The following TMEM135 variants were observed in gnomAD, a reference collection of about 807,000 sequenced individuals.
TMEM135 encodes transmembrane protein 135.
Under a neutral mutation model 60.3 loss-of-function variants are expected in TMEM135, and 30 were observed. The observed-to-expected ratio is 0.50, with a 90% CI of 0.37 to 0.68. The LOEUF is 0.68. TMEM135 is among the 30% of genes least tolerant of loss of function. The probability of loss-of-function intolerance (pLI) is 0.00; values close to 1 mark genes in which losing one functional copy is unlikely to be tolerated. For synonymous variants in TMEM135, 190 were observed against 186.7 expected (o/e 1.02, Z -0.14); for missense variants, 468 against 548.8 (o/e 0.85, Z 1.47).
rs1252191134 is a variant in TMEM135, at chr11:87,111,992, A to T, written c.396+20597A>T. On this transcript the variant is annotated intron_variant, in intron 4 of 14. Coordinates refer to ENST00000305494, the MANE Select transcript of TMEM135 (RefSeq NM_022918.4). ...ATTGTAGCCTATCTAAATGTTATTG[A>T]TTGATGACCTTCTAGAACTTGAGGC... is the stretch of plus-strand genomic sequence containing the variant. 3.3e-5 allele frequency among the ~76,000 whole-genome samples: 5 copies of T among 152,162 alleles called. No individual in the cohort carries two copies. In the South Asian group the frequency reaches 8.3e-4, roughly 25 times the overall value.
chr11:87,239,698 C>T (rs1420451678), intron 6 of TMEM135, among the ~76,000 whole-genome samples: 2 of 149,430 alleles, frequency 1.3e-5, no homozygotes, highest in East Asian at 3.9e-4. Context: ...TGTGAATGGG[C>T]AAAGGGGAAA....
rs1013663746 is a variant in TMEM135, at chr11:87,324,582, G to C, written c.*3249G>C. On this transcript the variant is annotated 3_prime_UTR_variant, in exon 15 of 15. Coordinates refer to ENST00000305494, the MANE Select transcript of TMEM135 (RefSeq NM_022918.4). ...CAACAGGCATGTGCCACCATGCCTG[G>C]CTAATATTTATTTTATTTATTTTTT... is the stretch of plus-strand genomic sequence containing the variant. The C allele has an allele frequency of 6.8e-6, 3 of 444,258 alleles. No homozygotes were observed. The highest frequency in any genetic ancestry group is 6.1e-5 in the African/African-American group (3 of 49,082). 27.5% of individuals were successfully genotyped at this position (444,258 alleles called of 1,614,324 possible).
At chr11:87,182,697 C>G (rs532618768) in intron 5 of TMEM135, among the ~76,000 whole-genome samples, 1 of 152,070 alleles carries the variant, frequency 6.6e-6, no homozygotes, top group Admixed American at 6.5e-5. Flanking sequence ...ATTTTTTTCT[C>G]TAGAAAATTT....
intron 1 of TMEM135, among the ~76,000 whole-genome samples, chr11:87,041,358 T>A (rs143006648): frequency 6.6e-6 from 1 of 151,916 alleles, no homozygotes; most frequent in African/African-American, 2.4e-5. Flanking sequence ...GCTATTGAGG[T>A]TTCTTTTTGA....
At chr11:87,247,282 T>C (rs997081966) in intron 6 of TMEM135, among the ~76,000 whole-genome samples, 5 of 152,212 alleles carry the variant, frequency 3.3e-5, no homozygotes, top group South Asian at 2.1e-4. Context: ...GTTTCCCAGT[T>C]AGGCTGCTCG....
In TMEM135 at chr11:87,195,375, T is replaced by TC. The variant is rs1565482156; in HGVS notation, c.462+37969_462+37970insC. Among the ~76,000 whole-genome samples, 416 of 109,696 alleles carry TC rather than the reference T, an allele frequency of 3.8e-3. 11 individuals carry two copies. Among genetic ancestry groups the TC allele is most frequent in the Non-Finnish European group, 5.4e-3 (279 of 51,196 alleles). The allele number at this position is 109,696 out of a possible 152,430, so 72.0% of individuals were successfully genotyped here. ...CTTCCTTCCTTCCTTCCTTCCTTCC[T>TC]TCCTTCCTTCCTTCCTTCTCTCTCT... On this transcript the variant is annotated intron_variant, in intron 5 of 14. Coordinates refer to ENST00000305494, the MANE Select transcript of TMEM135 (RefSeq NM_022918.4).
intron 5 of TMEM135, among the ~76,000 whole-genome samples, chr11:87,231,834 G>A (rs1940894832): frequency 6.6e-6 from 1 of 152,018 alleles, no homozygotes; most frequent in Non-Finnish European, 1.5e-5. Context: ...TAAAATATGT[G>A]AGATGAAAAG....
intron 1 of TMEM135, among the ~76,000 whole-genome samples, chr11:87,046,942 A>G (rs1486709930): frequency 6.6e-6 from 1 of 152,186 alleles, no homozygotes; most frequent in African/African-American, 2.4e-5. Flanking sequence ...GGTTCTTAAC[A>G]TTTGTGAACC....
intron 5 of TMEM135, among the ~76,000 whole-genome samples, chr11:87,161,879 A>G (rs895015990): frequency 1.2e-4 from 18 of 152,190 alleles, no homozygotes; most frequent in Non-Finnish European, 2.4e-4. Flanking sequence ...CTGCCTGTTA[A>G]TTCAGCAAGA....
chr11:87,161,007 C>G (rs1189882825), intron 5 of TMEM135, among the ~76,000 whole-genome samples: 2 of 152,150 alleles, frequency 1.3e-5, no homozygotes, highest in Non-Finnish European at 2.9e-5. Context: ...TCAAGTGATT[C>G]TCCTGCCTCA....
chr11:87,188,075 G>C (rs1455324317), intron 5 of TMEM135, among the ~76,000 whole-genome samples: 1 of 150,218 alleles, frequency 6.7e-6, no homozygotes, highest in Non-Finnish European at 1.5e-5. Context: ...CAATGAGAGA[G>C]AGAGCTCCCT....
chr11:87,213,095 T>C (rs1940414753), intron 5 of TMEM135, among the ~76,000 whole-genome samples: 1 of 152,152 alleles, frequency 6.6e-6, no homozygotes, highest in Admixed American at 6.5e-5. Context: ...TATTCATTGA[T>C]AAGATTCTGA....
At chr11:87,143,006 C>CT (rs1471419235) in intron 4 of TMEM135, among the ~76,000 whole-genome samples, 1 of 151,622 alleles carries the variant, frequency 6.6e-6, no homozygotes, top group South Asian at 2.1e-4. Context: ...TCTCTTCAGT[C>CT]TTTTTTTCCT....
chr11:87,067,863 C>T, intron 2 of TMEM135, 42 bp downstream of exon 2: 1 of 1,608,752 alleles, frequency 6.2e-7, no homozygotes, highest in Non-Finnish European at 8.5e-7. Flanking sequence ...ATAGGTTCTT[C>T]TATTGAAATG....
intron 4 of TMEM135, among the ~76,000 whole-genome samples, chr11:87,142,584 AT>A (rs1420755463): frequency 6.6e-6 from 1 of 151,946 alleles, no homozygotes; most frequent in East Asian, 1.9e-4. Context: ...TGCTTTTAAG[AT>A]TTTTTTCTCT....
intron 6 of TMEM135, among the ~76,000 whole-genome samples, chr11:87,269,065 G>GT (rs59945346): frequency 0.16 from 23,331 of 145,058 alleles, 2,316 homozygotes; most frequent in African/African-American, 0.28. Flanking sequence ...AAAATGGCTA[G>GT]TTTTTTTTTT....
intron 4 of TMEM135, among the ~76,000 whole-genome samples, chr11:87,107,372 G>C (rs866766916): frequency 6.6e-6 from 1 of 151,668 alleles, no homozygotes; most frequent in Non-Finnish European, 1.5e-5. Context: ...CCATTAACTC[G>C]TCATTTACAT....
rs112391622 is a variant in TMEM135 at position 87,150,628 on chromosome 11, A to G, written c.397-6713A>G. On this transcript the variant is annotated intron_variant, in intron 4 of 14. Coordinates refer to ENST00000305494, the MANE Select transcript of TMEM135 (RefSeq NM_022918.4). ...CCTTATGTTTTTTTCATAGTTAATA[A>G]TTGCCTCACTTTTTATTTGCTTAGT... Among the ~76,000 whole-genome samples, 372 of 152,232 alleles carry G rather than the reference A, an allele frequency of 2.4e-3. 3 individuals carry two copies. Among genetic ancestry groups the G allele is most frequent in the African/African-American group, 8.6e-3 (358 of 41,564 alleles).
At chr11:87,053,020 T>C (rs908926859) in intron 1 of TMEM135, among the ~76,000 whole-genome samples, 1 of 126,548 alleles carries the variant, frequency 7.9e-6, no homozygotes, top group Non-Finnish European at 1.6e-5. Flanking sequence ...TGTAGGGACA[T>C]GGATGAAATT....
Sources: allele counts gnomAD v4.1 joint callset (sites outside exome capture counted in the v4.1 genomes callset), GRCh38; gene constraint gnomAD v4.1.1; transcripts MANE v1.5; gene names NCBI Gene and HGNC (gene_info 2026-07-23, HGNC 2026-07-21).